The following SESTD1 variants were observed in gnomAD, a reference collection of about 807,000 sequenced individuals.
SESTD1 encodes SEC14 and spectrin domain containing 1.
A neutral mutation model predicts 101.7 loss-of-function variants in SESTD1; 43 were observed. That is an observed-to-expected ratio of 0.42 (90% CI 0.33 to 0.55). The LOEUF is 0.55. Ranked by LOEUF, SESTD1 falls within the 20% of genes least tolerant of loss-of-function variation. The pLI is 0.07. For synonymous variants in SESTD1, 283 were observed against 286.8 expected, an observed-to-expected ratio of 0.99 and a Z score of 0.13; for missense variants, 647 against 815.1, an observed-to-expected ratio of 0.79 and a Z score of 2.51.
intron 17 of SESTD1, among the ~76,000 whole-genome samples, chr2:179,111,742 C>T (rs1393528316): frequency 3.6e-5 from 5 of 137,402 alleles, no homozygotes; most frequent in East Asian, 2.1e-4. Flanking sequence ...TTTTTTGAGA[C>T]GGAGTCTTGC....
In SESTD1 at chr2:179,185,948, T is replaced by C. The variant is rs536212017; in HGVS notation, c.56-2760A>G. 3.5e-3 allele frequency among the ~76,000 whole-genome samples: 491 copies of C among 139,594 alleles called. 2 individuals carry two copies. Among genetic ancestry groups the C allele is most frequent in the African/African-American group, 0.012 (466 of 38,162 alleles). The allele number at this position is 139,594 out of a possible 152,430, so 91.6% of individuals were successfully genotyped here. A position where few individuals can be genotyped will look rare whatever the true frequency, so the allele number is the denominator to read the frequency against. ...AGCATATACAATATATTATATTATA[T>C]ACAATATATAATATAGCATATACAA... is the stretch of plus-strand genomic sequence containing the variant. On this transcript the variant is annotated intron_variant, in intron 2 of 17. Transcript: ENST00000428443.
intron 1 of SESTD1, among the ~76,000 whole-genome samples, chr2:179,253,595 GTACAGAACAC>G (rs768346388): frequency 4.6e-5 from 7 of 152,104 alleles, no homozygotes; most frequent in Admixed American, 2.6e-4. Flanking sequence ...AAAAAGTAAG[GTACAGAACAC>G]TATGTGATAC....
At chr2:179,220,221 C>T (rs976047024) in intron 1 of SESTD1, among the ~76,000 whole-genome samples, 3 of 152,320 alleles carry the variant, frequency 2.0e-5, no homozygotes, top group African/African-American at 7.2e-5. Context: ...CCCCTCTAGG[C>T]ATTCTACCAA....
At chr2:179,219,428 T>TA (rs2105525016) in intron 1 of SESTD1, among the ~76,000 whole-genome samples, 1 of 152,368 alleles carries the variant, frequency 6.6e-6, no homozygotes, top group South Asian at 2.1e-4. Context: ...TCATCTCTAG[T>TA]AAGTCTACAT....
chr2:179,154,947 A>C lies in SESTD1; in HGVS notation c.370-3556T>G, dbSNP rs146433092. On this transcript the variant is annotated intron_variant, in intron 5 of 17. Transcript: ENST00000428443. ...CCACAAAATTAAGCTGGAAATCAAT[A>C]ATCAATCATATCAGCAATCCGTATT... 2.0e-5 allele frequency among the ~76,000 whole-genome samples: 3 copies of C among 152,290 alleles called. No homozygotes were observed. The East Asian group carries it at 5.8e-4, about 29-fold the overall frequency.
chr2:179,211,774 A>G (rs191131508), intron 1 of SESTD1, among the ~76,000 whole-genome samples: 1 of 132,634 alleles, frequency 7.5e-6, no homozygotes, highest in East Asian at 2.0e-4. Context: ...ACCAAACAAC[A>G]TATGTTCTCA....
At chr2:179,233,005 A>C (rs59031125) in intron 1 of SESTD1, among the ~76,000 whole-genome samples, 1 of 152,304 alleles carries the variant, frequency 6.6e-6, no homozygotes, top group East Asian at 1.9e-4. Context: ...GAACCATGTT[A>C]ATGCTTAATA....
intron 1 of SESTD1, among the ~76,000 whole-genome samples, chr2:179,230,533 A>C (rs1559153616): frequency 1.3e-5 from 2 of 152,098 alleles, no homozygotes; most frequent in Admixed American, 1.3e-4. Context: ...TAAATAAATA[A>C]ATAAGAGAAA....
chr2:179,118,977 T>C (rs1177098579), intron 13 of SESTD1, among the ~76,000 whole-genome samples: 1 of 152,152 alleles, frequency 6.6e-6, no homozygotes, highest in African/African-American at 2.4e-5. Flanking sequence ...CAAGTATTCT[T>C]AGTCATGGAT....
chr2:179,139,605 G>A (rs192173939), intron 9 of SESTD1, among the ~76,000 whole-genome samples: 3 of 152,116 alleles, frequency 2.0e-5, no homozygotes, highest in East Asian at 1.9e-4. Flanking sequence ...ATTATGAATC[G>A]TTAAGTTTTC....
At chr2:179,195,915 A>G (rs1395323564) in intron 1 of SESTD1, among the ~76,000 whole-genome samples, 3 of 152,106 alleles carry the variant, frequency 2.0e-5, no homozygotes, top group Non-Finnish European at 4.4e-5. Context: ...CCTAAAATAG[A>G]ATAACTGGTT....
chr2:179,197,696 A>G (rs2046425310), intron 1 of SESTD1, among the ~76,000 whole-genome samples: 1 of 152,206 alleles, frequency 6.6e-6, no homozygotes, highest in Middle Eastern at 3.2e-3. Context: ...AGAATTTCAT[A>G]TCCAGCCAAA....
intron 5 of SESTD1, among the ~76,000 whole-genome samples, chr2:179,167,017 C>T (rs575067765): frequency 6.6e-6 from 1 of 152,142 alleles, no homozygotes; most frequent in African/African-American, 2.4e-5. Context: ...AATAACAAGG[C>T]ACACACAAAA....
At chr2:179,174,035 C>A (rs1002344764) in intron 4 of SESTD1, among the ~76,000 whole-genome samples, 3 of 152,054 alleles carry the variant, frequency 2.0e-5, no homozygotes, top group Non-Finnish European at 2.9e-5. Flanking sequence ...AAAATAAATT[C>A]AATGATATCA....
Position 179,107,488 on chromosome 2 carries a change from A to G in SESTD1, c.*2411T>C, listed in dbSNP as rs1301151174. 6.6e-6 allele frequency: 1 copy of G among 151,684 alleles called. No homozygotes were observed. Among genetic ancestry groups the G allele is most frequent in the Non-Finnish European group, 1.5e-5 (1 of 67,630 alleles). The allele number at this position is 151,684 out of a possible 1,614,324, so 9.4% of individuals were successfully genotyped here. On this transcript the variant is annotated 3_prime_UTR_variant, in exon 18 of 18. Coordinates refer to ENST00000428443, the MANE Select transcript of SESTD1 (RefSeq NM_178123.5). ...ACTAACAAACCAGTTCCTTTCTAGC[A>G]AAGTCTTAAGAAAAACATTCTAACT...
chr2:179,112,929 A>G, intron 16 of SESTD1, 84 bp from the exon 17 acceptor site: 1 of 1,462,656 alleles, frequency 6.8e-7, no homozygotes, highest in Non-Finnish European at 9.0e-7. Context: ...CACAAAAAAA[A>G]AGAGAGAAAA....
intron 1 of SESTD1, among the ~76,000 whole-genome samples, chr2:179,248,743 ATAT>A (rs1228180824): frequency 6.6e-6 from 1 of 152,062 alleles, no homozygotes; most frequent in African/African-American, 2.4e-5. Context: ...CTTAAAGCTA[ATAT>A]TATACTCAAT....
chr2:179,260,850 T>C (rs181950244), intron 1 of SESTD1, among the ~76,000 whole-genome samples: 1 of 152,316 alleles, frequency 6.6e-6, no homozygotes. Flanking sequence ...CATGTCTGTA[T>C]GTATGGTAAA....
intron 1 of SESTD1, among the ~76,000 whole-genome samples, chr2:179,238,087 A>C (rs2047095720): frequency 6.6e-6 from 1 of 152,226 alleles, no homozygotes; most frequent in Admixed American, 6.5e-5. Context: ...ATAAAGCTAG[A>C]GAAAATAAAA....
Sources: allele counts gnomAD v4.1 joint callset (sites outside exome capture counted in the v4.1 genomes callset), GRCh38; gene constraint gnomAD v4.1.1; transcripts MANE v1.5; gene names NCBI Gene and HGNC (gene_info 2026-07-23, HGNC 2026-07-21).